Variants in CSRNP3 observed in about 807,000 individuals in gnomAD.
CSRNP3 encodes cysteine/serine-rich nuclear protein 3.
CSRNP3 carries 12 observed loss-of-function variants against 48.0 expected under a neutral mutation model. The ratio of observed to expected loss-of-function variants is 0.25; its 90% CI spans 0.16 to 0.41. The LOEUF (loss-of-function observed/expected upper bound fraction) is 0.41. Among genes scored for constraint, CSRNP3 ranks in the 10% least tolerant of loss-of-function variants. CSRNP3 has a pLI of 1.00. For missense variants in CSRNP3, 580 were observed against 724.4 expected, an observed-to-expected ratio of 0.80 and a Z score of 2.29; for synonymous variants, 263 against 269.7, an observed-to-expected ratio of 0.98 and a Z score of 0.24.
chr2:165,577,814 A>G (rs1685477109), intron 3 of CSRNP3, among the ~76,000 whole-genome samples: 1 of 151,902 alleles, frequency 6.6e-6, no homozygotes, highest in Non-Finnish European at 1.5e-5. Flanking sequence ...TTTACATTCA[A>G]TTCTAAATCA....
At chr2:165,653,871 C>T (rs760257679) in intron 4 of CSRNP3, among the ~76,000 whole-genome samples, 67 of 147,256 alleles carry the variant, frequency 4.5e-4, no homozygotes, top group Admixed American at 1.7e-3. Flanking sequence ...ACTCAGGAGG[C>T]TGAGGAAGGA....
intron 5 of CSRNP3, among the ~76,000 whole-genome samples, chr2:165,671,577 GGGCCAGGCCCA>G (rs1450078043): frequency 6.6e-6 from 1 of 152,202 alleles, no homozygotes; most frequent in Non-Finnish European, 1.5e-5. Context: ...GGGGGGCCCT[GGGCCAGGCCCA>G]GGAAACCATT....
chr2:165,615,721 C>T (rs1265131175), intron 4 of CSRNP3, among the ~76,000 whole-genome samples: 1 of 151,126 alleles, frequency 6.6e-6, no homozygotes, highest in South Asian at 2.1e-4. Context: ...ATCTTTTTTT[C>T]ATCCCTTCAC....
chr2:165,600,649 C>T (rs182829090), intron 4 of CSRNP3, among the ~76,000 whole-genome samples: 2,826 of 152,216 alleles, frequency 0.019, 81 homozygotes, highest in African/African-American at 0.065. Flanking sequence ...GATGGTATCT[C>T]ACTGTGATTT....
chr2:165,512,531 A>G (rs1430177287), intron 2 of CSRNP3, among the ~76,000 whole-genome samples: 1 of 152,236 alleles, frequency 6.6e-6, no homozygotes, highest in African/African-American at 2.4e-5. Context: ...TAATTTGGTT[A>G]TATAACTCTT....
At chr2:165,643,267 G>T (rs576571064) in intron 4 of CSRNP3, among the ~76,000 whole-genome samples, 1 of 152,158 alleles carries the variant, frequency 6.6e-6, no homozygotes, top group Non-Finnish European at 1.5e-5. Context: ...AGAATGTACT[G>T]CCCTGACCTG....
At chr2:165,538,914 A>G (rs564766018) in intron 3 of CSRNP3, among the ~76,000 whole-genome samples, 1 of 152,058 alleles carries the variant, frequency 6.6e-6, no homozygotes, top group South Asian at 2.1e-4. Flanking sequence ...ATGTTTAACA[A>G]TTCTATCACC....
intron 3 of CSRNP3, among the ~76,000 whole-genome samples, chr2:165,541,713 A>G (rs1264213696): frequency 6.6e-6 from 1 of 152,114 alleles, no homozygotes; most frequent in Non-Finnish European, 1.5e-5. Context: ...ACCCATGATC[A>G]GCTCATTCCA....
At chr2:165,675,708 A>G (rs569395361) in intron 5 of CSRNP3, among the ~76,000 whole-genome samples, 2 of 152,326 alleles carry the variant, frequency 1.3e-5, no homozygotes, top group Non-Finnish European at 2.9e-5. Flanking sequence ...TCTTTGTCTT[A>G]CTAAGAGCAT....
Position 165,645,491 on chromosome 2 carries a change from A to G in CSRNP3, c.149-12270A>G, listed in dbSNP as rs138458565. Among the ~76,000 whole-genome samples, 141 of 152,354 alleles carry G rather than the reference A, an allele frequency of 9.3e-4. No homozygotes were observed. In the Middle Eastern group the frequency reaches 0.017, roughly 18 times the overall value. On this transcript the variant is annotated intron_variant, in intron 4 of 6. Transcript: ENST00000651982. ...ATATAAATTTTGGAAGAACACAAACATTCAGACCATAGCAGAAATTGAGAA... is the reference window on the plus strand; with the variant it reads ...ATATAAATTTTGGAAGAACACAAACGTTCAGACCATAGCAGAAATTGAGAA...
chr2:165,498,594 A>G (rs1408946321), intron 2 of CSRNP3, among the ~76,000 whole-genome samples: 1 of 152,154 alleles, frequency 6.6e-6, no homozygotes, highest in Non-Finnish European at 1.5e-5. Flanking sequence ...AACAAACTTC[A>G]TTTAAATTTG....
chr2:165,539,361 C>T (rs1188204879), intron 3 of CSRNP3, among the ~76,000 whole-genome samples: 1 of 151,916 alleles, frequency 6.6e-6, no homozygotes, highest in South Asian at 2.1e-4. Flanking sequence ...ACTTGATTTT[C>T]TTCCCAGTCA....
intron 2 of CSRNP3, among the ~76,000 whole-genome samples, chr2:165,503,605 TAAAC>T (rs895259184): frequency 4.3e-4 from 66 of 152,118 alleles, no homozygotes; most frequent in Middle Eastern, 3.4e-3. Flanking sequence ...TTTAAGCTAA[TAAAC>T]AAACTTGTTA....
intron 4 of CSRNP3, among the ~76,000 whole-genome samples, chr2:165,615,625 T>A (rs1293892470): frequency 6.6e-6 from 1 of 152,182 alleles, no homozygotes; most frequent in African/African-American, 2.4e-5. Flanking sequence ...TGCTTTTGTC[T>A]CTTTTCATTT....
chr2:165,568,514 A>G (rs182925698), intron 3 of CSRNP3, among the ~76,000 whole-genome samples: 218 of 152,192 alleles, frequency 1.4e-3, no homozygotes, highest in African/African-American at 4.1e-3. Context: ...CAGAATGCCT[A>G]TATGTGATTT....
chr2:165,602,837 C>G (rs909900839), intron 4 of CSRNP3, among the ~76,000 whole-genome samples: 25 of 152,168 alleles, frequency 1.6e-4, no homozygotes, highest in African/African-American at 5.5e-4. Flanking sequence ...AAGTCTCTCT[C>G]ATTTGACACA....
At chr2:165,581,828 C>T (rs553107629) in intron 3 of CSRNP3, among the ~76,000 whole-genome samples, 4 of 152,208 alleles carry the variant, frequency 2.6e-5, no homozygotes, top group African/African-American at 9.6e-5. Context: ...TGAGCCACTG[C>T]GCCTGGCCCC....
chr2:165,602,571 C>G (rs745923544), intron 4 of CSRNP3, among the ~76,000 whole-genome samples: 3 of 152,110 alleles, frequency 2.0e-5, no homozygotes, highest in Non-Finnish European at 4.4e-5. Context: ...GCTAGTAGTC[C>G]TCTGGAAAAT....
chr2:165,602,659 G>T (rs1054176367), intron 4 of CSRNP3, among the ~76,000 whole-genome samples: 2 of 152,144 alleles, frequency 1.3e-5, no homozygotes, highest in African/African-American at 4.8e-5. Flanking sequence ...CAAGATTGTG[G>T]ACTCCAGTAA....
Sources: allele counts gnomAD v4.1 joint callset (sites outside exome capture counted in the v4.1 genomes callset), GRCh38; gene constraint gnomAD v4.1.1; transcripts MANE v1.5; gene names NCBI Gene and HGNC (gene_info 2026-07-23, HGNC 2026-07-21).